CMTM7: variants seen among roughly 807,000 people sequenced by gnomAD.
CMTM7 encodes CKLF-like MARVEL transmembrane domain-containing protein 7.
Under a neutral mutation model 19.3 loss-of-function variants are expected in CMTM7, and 7 were observed. The observed-to-expected ratio is 0.36, with a 90% confidence interval of 0.21 to 0.68. CMTM7 has a LOEUF of 0.68. Ranked by LOEUF, CMTM7 falls within the 30% of genes least tolerant of loss-of-function variation. CMTM7 has a pLI of 0.60. For synonymous variants in CMTM7, 87 were observed against 99.3 expected, an observed-to-expected ratio of 0.88 and a Z score of 0.74; for missense variants, 193 against 232.6, an observed-to-expected ratio of 0.83 and a Z score of 1.11.
chr3:32,413,896 C>G (rs1285912227), intron 1 of CMTM7, among the ~76,000 whole-genome samples: 1 of 152,128 alleles, frequency 6.6e-6, no homozygotes, highest in Middle Eastern at 3.2e-3. Context: ...CCTGCTGAGT[C>G]CCTCCCCACA....
intron 4 of CMTM7, 59 bp from the exon 5 acceptor site, chr3:32,454,182 T>TG: frequency 4.5e-6 from 7 of 1,548,096 alleles, no homozygotes; most frequent in Non-Finnish European, 6.1e-6. Flanking sequence ...CTGTGGAGTG[T>TG]GGCTTGTGGG....
intron 1 of CMTM7, among the ~76,000 whole-genome samples, chr3:32,399,888 C>CA (rs1695975301): frequency 6.6e-6 from 1 of 152,126 alleles, no homozygotes; most frequent in Admixed American, 6.5e-5. Flanking sequence ...TTATTCCTAA[C>CA]AAAAGTAATA....
At chr3:32,413,949 C>T (rs1485872557) in intron 1 of CMTM7, among the ~76,000 whole-genome samples, 1 of 152,164 alleles carries the variant, frequency 6.6e-6, no homozygotes, top group Non-Finnish European at 1.5e-5. Flanking sequence ...CAAGATGATG[C>T]CTAACCTCTC....
chr3:32,419,635 G>A (rs185529247), intron 1 of CMTM7, among the ~76,000 whole-genome samples: 54 of 152,254 alleles, frequency 3.5e-4, no homozygotes, highest in African/African-American at 1.2e-3. Flanking sequence ...CAGTTGATAC[G>A]AATATATGGC....
At chr3:32,415,064 G>A (rs563939581) in intron 1 of CMTM7, among the ~76,000 whole-genome samples, 1 of 152,166 alleles carries the variant, frequency 6.6e-6, no homozygotes, top group South Asian at 2.1e-4. Context: ...TTTAGCTGGG[G>A]ATGGAAGTAA....
intron 1 of CMTM7, among the ~76,000 whole-genome samples, chr3:32,401,614 C>T (rs1696004813): frequency 6.6e-6 from 1 of 152,280 alleles, no homozygotes; most frequent in African/African-American, 2.4e-5. Context: ...GCTTCCTGTG[C>T]AGCGCCACTG....
chr3:32,415,211 A>AATG (rs1489704883), intron 1 of CMTM7, among the ~76,000 whole-genome samples: 6 of 151,906 alleles, frequency 3.9e-5, no homozygotes, highest in Admixed American at 3.9e-4. Flanking sequence ...TAATAATAAT[A>AATG]ATAATAAACT....
At chr3:32,395,268 G>C (rs1445115313) in intron 1 of CMTM7, among the ~76,000 whole-genome samples, 2 of 152,124 alleles carry the variant, frequency 1.3e-5, no homozygotes, top group Non-Finnish European at 2.9e-5. Context: ...GCCTCCCCAA[G>C]TGCTGGGATT....
intron 1 of CMTM7, among the ~76,000 whole-genome samples, chr3:32,413,392 A>G (rs1696209713): frequency 6.6e-6 from 1 of 152,242 alleles, no homozygotes; most frequent in Non-Finnish European, 1.5e-5. Flanking sequence ...AGACAGTGAC[A>G]TATCAGAACA....
rs1363407895 is a variant in CMTM7 at position 32,452,407 on chromosome 3, G to T, written c.448G>T (p.Ala150Ser). Reference protein sequence around the residue: ...LVAGAIFGFMATFLCMASIWL... With the variant: ...LVAGAIFGFMSTFLCMASIWL... Reference sequence around the variant, plus strand: ...TCCACTGCAGATCTTTGGTTTCATGGCCACCTTCCTCTGCATGGCAAGCAT... The same window carrying T: ...TCCACTGCAGATCTTTGGTTTCATGTCCACCTTCCTCTGCATGGCAAGCAT... Residue 150 changes from alanine (A) to serine (S), a missense_variant, in exon 4 of 5, where the codon GCC becomes TCC. Coordinates refer to ENST00000334983, the MANE Select transcript of CMTM7 (RefSeq NM_138410.4). 1 of 1,614,090 alleles carries T rather than the reference G, an allele frequency of 6.2e-7. No individual in the cohort carries two copies.
intron 1 of CMTM7, among the ~76,000 whole-genome samples, chr3:32,422,049 C>T (rs1209018668): frequency 6.6e-6 from 1 of 152,156 alleles, no homozygotes; most frequent in African/African-American, 2.4e-5. Flanking sequence ...TTTATTGCTC[C>T]TGTTTGGCCT....
At chr3:32,400,785 T>C (rs760427463) in intron 1 of CMTM7, among the ~76,000 whole-genome samples, 1 of 152,184 alleles carries the variant, frequency 6.6e-6, no homozygotes, top group Non-Finnish European at 1.5e-5. Flanking sequence ...GTCATGGAGG[T>C]ACCCTGGTTG....
At chr3:32,434,004 G>A (rs148348669) in intron 1 of CMTM7, among the ~76,000 whole-genome samples, 31 of 151,962 alleles carry the variant, frequency 2.0e-4, no homozygotes, top group African/African-American at 7.0e-4. Context: ...CCTGGCCAAC[G>A]TGGTGAAATC....
chr3:32,393,793 G>T (rs1695875796), intron 1 of CMTM7, among the ~76,000 whole-genome samples: 1 of 148,868 alleles, frequency 6.7e-6, no homozygotes, highest in Non-Finnish European at 1.5e-5. Flanking sequence ...AAAAAAAAAG[G>T]TACAAAGAAA....
chr3:32,420,264 A>G (rs533334613), intron 1 of CMTM7, among the ~76,000 whole-genome samples: 1 of 152,348 alleles, frequency 6.6e-6, no homozygotes, highest in South Asian at 2.1e-4. Context: ...GGGCAGAAGC[A>G]GAGCCTGCTT....
Position 32,441,862 on chromosome 3 carries a change from T to G in CMTM7, c.182T>G (p.Ile61Ser). ...AQMVTLLIAFICVRSSLWTNY... is the reference protein window; with the variant it reads ...AQMVTLLIAFSCVRSSLWTNY... ...CAGGTCACCCTGCTGATTGCCTTCATCTGTGTGCGGAGCTCCCTGTGGACC... is the reference window on the plus strand; with the variant it reads ...CAGGTCACCCTGCTGATTGCCTTCAGCTGTGTGCGGAGCTCCCTGTGGACC... The change falls in exon 2 of 5, where the codon ATC becomes AGC. Residue 61 changes from isoleucine (I) to serine (S), a missense_variant. By Grantham distance (142) the Ile-to-Ser change is moderately radical. Transcript: ENST00000334983. The G allele has an allele frequency of 1.2e-6, 2 of 1,614,198 alleles. No individual in the cohort carries two copies. The highest frequency in any genetic ancestry group is 1.7e-6 in the Non-Finnish European group (2 of 1,180,026).
At chr3:32,447,228 C>T (rs1696766291) in intron 2 of CMTM7, among the ~76,000 whole-genome samples, 1 of 151,916 alleles carries the variant, frequency 6.6e-6, no homozygotes, top group South Asian at 2.1e-4. Flanking sequence ...CCCTGATTTC[C>T]CTCTGCTCTT....
intron 1 of CMTM7, among the ~76,000 whole-genome samples, chr3:32,432,374 G>T (rs574248617): frequency 6.6e-6 from 1 of 152,284 alleles, no homozygotes; most frequent in South Asian, 2.1e-4. Context: ...ACCCCTGGGG[G>T]TTCCCATGGC....
chr3:32,414,242 C>A (rs1279421439), intron 1 of CMTM7, among the ~76,000 whole-genome samples: 4 of 152,140 alleles, frequency 2.6e-5, no homozygotes, highest in African/African-American at 7.2e-5. Flanking sequence ...ACCAAATGAC[C>A]AAGCTACATT....
Sources: allele counts gnomAD v4.1 joint callset (sites outside exome capture counted in the v4.1 genomes callset), GRCh38; gene constraint gnomAD v4.1.1; transcripts MANE v1.5; gene names NCBI Gene and HGNC (gene_info 2026-07-23, HGNC 2026-07-21).